SEC31A: variants seen among roughly 807,000 people sequenced by gnomAD.
The protein encoded by SEC31A is protein transport protein Sec31A.
A neutral mutation model predicts 151.0 loss-of-function variants in SEC31A; 70 were observed. The observed-to-expected ratio is 0.46, with a 90% CI of 0.38 to 0.57. The LOEUF (loss-of-function observed/expected upper bound fraction) is 0.57. Among genes scored for constraint, SEC31A ranks in the 20% least tolerant of loss-of-function variants. SEC31A has a pLI of 0.00. For missense variants in SEC31A, 1,330 were observed against 1,471.2 expected (o/e 0.90, Z 1.57); for synonymous variants, 475 against 505.9 (o/e 0.94, Z 0.82).
intron 6 of SEC31A, 31 bp downstream of exon 6, chr4:82,874,580 C>T (rs1446537667): frequency 6.4e-7 from 1 of 1,563,016 alleles, no homozygotes; most frequent in Non-Finnish European, 8.6e-7. Context: ...AGAAATACAA[C>T]ATGTTCATCA....
intron 16 of SEC31A, among the ~76,000 whole-genome samples, chr4:82,855,690 C>T (rs1423008048): frequency 6.6e-6 from 1 of 152,078 alleles, no homozygotes; most frequent in Admixed American, 6.6e-5. Flanking sequence ...AACACAGGAA[C>T]AGAAAACCAA....
rs1205156335 is a variant in SEC31A at position 82,827,218 on chromosome 4, A to G, written c.3291+151T>C. Reference sequence around the variant, plus strand: ...CATGTAATTGAAAAATAATATACATACATGATCGATCTTAAAAAAAAGTTA... The same window carrying G: ...CATGTAATTGAAAAATAATATACATGCATGATCGATCTTAAAAAAAAGTTA... On this transcript the variant is annotated intron_variant, in intron 24 of 26. Coordinates refer to ENST00000395310, the MANE Select transcript of SEC31A (RefSeq NM_001077207.4). 4 of 832,092 alleles carry G rather than the reference A, an allele frequency of 4.8e-6. No individual in the cohort carries two copies. In the Admixed American group the frequency reaches 9.4e-5, roughly 20 times the overall value. 51.5% of individuals were successfully genotyped at this position (832,092 alleles called of 1,614,324 possible).
Position 82,824,715 on chromosome 4 carries a change from A to G in SEC31A, c.3292-41T>C, listed in dbSNP as rs114648534. On this transcript the variant is annotated intron_variant, in intron 24 of 26. Coordinates refer to ENST00000395310, the MANE Select transcript of SEC31A (RefSeq NM_001077207.4). ...CAAAAACTGATCAGAAATGACCAGA[A>G]GCTACCTTATATACACAATCTTGAA... The G allele has an allele frequency of 2.5e-3, 3,958 of 1,603,126 alleles. 81 individuals carry two copies. The African/African-American group carries it at 0.045, about 18-fold the overall frequency.
chr4:82,884,427 C>T (rs964846906), intron 1 of SEC31A, among the ~76,000 whole-genome samples: 4 of 152,018 alleles, frequency 2.6e-5, no homozygotes, highest in African/African-American at 7.3e-5. Flanking sequence ...TAGAGTTTTA[C>T]GTTCCTAGAA....
intron 3 of SEC31A, among the ~76,000 whole-genome samples, chr4:82,880,225 A>G (rs952746065): frequency 5.3e-5 from 8 of 151,974 alleles, no homozygotes; most frequent in African/African-American, 1.9e-4. Context: ...ACACACCAAA[A>G]AAACAGAAAA....
At chr4:82,861,801 C>T (rs1032368680) in intron 13 of SEC31A, 93 bp from the exon 14 acceptor site, 5 of 679,214 alleles carry the variant, frequency 7.4e-6, no homozygotes, top group African/African-American at 1.8e-5. Flanking sequence ...CAACCAACAA[C>T]ATTCAGAGCT....
At position 82,858,860 on chromosome 4, in the gene SEC31A, G is replaced by A. The variant is rs190616602; in HGVS notation, c.1627-1096C>T. Among the ~76,000 whole-genome samples the A allele has an allele frequency of 4.9e-3, 745 of 151,700 alleles. 4 individuals are homozygous for A. The highest frequency in any genetic ancestry group is 7.5e-3 in the Non-Finnish European group (512 of 67,858). On this transcript the variant is annotated intron_variant, in intron 14 of 26. Transcript: ENST00000395310. ...TGGGACTACAGGTGCCCACCACCAT[G>A]CCTGGCTAATTTTTGTATTTTTAGT...
intron 3 of SEC31A, among the ~76,000 whole-genome samples, chr4:82,880,464 C>T (rs1345680041): frequency 6.6e-6 from 1 of 151,784 alleles, no homozygotes; most frequent in Non-Finnish European, 1.5e-5. Flanking sequence ...TGGTGTGCAC[C>T]TGTAATCCCA....
rs1321037556 is a variant in SEC31A, at chr4:82,848,840, C to G, written c.2466G>C (p.Gln822His). ...ATTGTTGAGTTTGAACTCTTGGCAT[C>G]TGGTGGTGGCCAGCAACTGGTCCAG... ...GRPGPVAGHH[Q>H]MPRVQTQQYY... Residue 822 changes from glutamine to histidine, a missense_variant, in exon 20 of 27, where the codon CAG (glutamine) becomes CAC (histidine). Transcript: ENST00000395310. 8 of 1,613,860 alleles carry G rather than the reference C, an allele frequency of 5.0e-6. No homozygotes were observed. Among genetic ancestry groups the G allele is most frequent in the Non-Finnish European group, 6.8e-6 (8 of 1,179,916 alleles).
intron 25 of SEC31A, among the ~76,000 whole-genome samples, chr4:82,822,833 C>T (rs1723663410): frequency 1.3e-5 from 2 of 151,934 alleles, no homozygotes; most frequent in East Asian, 1.9e-4. Context: ...ATTAGCCGGG[C>T]GTGGTGGCAC....
chr4:82,842,180 T>G lies in SEC31A; in HGVS notation c.2928A>C (p.Thr976=), dbSNP rs909901934. ...CAGGCAGCTCACTGGCAGCAGGCAGTGTACCTGTTGTTCCAGGAGGCAGTG... is the reference window on the plus strand; with the variant it reads ...CAGGCAGCTCACTGGCAGCAGGCAGGGTACCTGTTGTTCCAGGAGGCAGTG... The part of the protein sequence containing the change: ...AYALPPGTTG[T]LPAASELPAS... Residue 976 remains threonine, a synonymous_variant, in exon 22 of 27, where the codon ACA becomes ACC. Coordinates refer to ENST00000395310, the MANE Select transcript of SEC31A (RefSeq NM_001077207.4). 4.4e-6 allele frequency: 7 copies of G among 1,590,454 alleles called. No individual in the cohort carries two copies.
upstream of SEC31A, chr4:82,894,981 G>C (rs908944093): frequency 9.9e-5 from 15 of 152,132 alleles, no homozygotes; most frequent in African/African-American, 3.6e-4. Context: ...TTAAATTTGA[G>C]AAACAACTAC....
rs773263076 is a variant in SEC31A at position 82,874,681 on chromosome 4, C to T, written c.569G>A (p.Ser190Asn). The change falls in exon 6 of 27, where the codon AGT becomes AAT. Residue 190 changes from serine to asparagine, a missense_variant. Physicochemically the swap from Ser to Asn is conservative, Grantham distance 46. Transcript: ENST00000395310. Reference sequence around the variant, plus strand: ...AAGATCCCATACAGTGGCCCGGCCACTGGGACTGGCTGATGCTAAAATATG... The same window carrying T: ...AAGATCCCATACAGTGGCCCGGCCATTGGGACTGGCTGATGCTAAAATATG... ...VQHILASASP[S>N]GRATVWDLRK... is the part of the protein sequence containing the mutation. 1 of 1,613,416 alleles carries T rather than the reference C, an allele frequency of 6.2e-7. No individual in the cohort carries two copies. The highest frequency in any genetic ancestry group is 1.1e-5 in the South Asian group (1 of 90,918).
At chr4:82,889,507 A>G (rs1051985717) in intron 1 of SEC31A, among the ~76,000 whole-genome samples, 1 of 149,034 alleles carries the variant, frequency 6.7e-6, no homozygotes, top group African/African-American at 2.5e-5. Context: ...TGACTGCACC[A>G]CTGCACTCCA....
At chr4:82,846,776 G>A (rs995314390) in intron 20 of SEC31A, among the ~76,000 whole-genome samples, 7 of 152,136 alleles carry the variant, frequency 4.6e-5, no homozygotes, top group African/African-American at 1.4e-4. Flanking sequence ...GTGCAATGGC[G>A]TGATCTCAGC....
At chr4:82,892,683 T>G (rs375568118), upstream of SEC31A, among the ~76,000 whole-genome samples, 28 of 152,306 alleles carry the variant, frequency 1.8e-4, 1 homozygote, top group East Asian at 3.3e-3. Context: ...ATCAACAAAC[T>G]TTGAAAGCAA....
upstream of SEC31A, chr4:82,891,243 T>C: frequency 2.1e-6 from 3 of 1,415,426 alleles, no homozygotes; most frequent in South Asian, 2.5e-5. Context: ...CGCCCAACAC[T>C]TCCGGGAGCG....
intron 22 of SEC31A, among the ~76,000 whole-genome samples, chr4:82,839,007 T>C (rs989011546): frequency 2.0e-5 from 3 of 152,176 alleles, no homozygotes; most frequent in African/African-American, 7.2e-5. Context: ...AGATGGAGTT[T>C]TGGTCTTTCG....
At chr4:82,870,780 C>T (rs928041509) in intron 7 of SEC31A, among the ~76,000 whole-genome samples, 3 of 152,010 alleles carry the variant, frequency 2.0e-5, no homozygotes, top group Non-Finnish European at 2.9e-5. Context: ...AACTTAGTAA[C>T]GTATATGCTA....
Sources: allele counts gnomAD v4.1 joint callset (sites outside exome capture counted in the v4.1 genomes callset), GRCh38; gene constraint gnomAD v4.1.1; transcripts MANE v1.5; gene names NCBI Gene and HGNC (gene_info 2026-07-23, HGNC 2026-07-21).